Variants in PACSIN2 observed in about 807,000 individuals in gnomAD.
PACSIN2 encodes protein kinase C and casein kinase substrate in neurons protein 2.
In PACSIN2, 25 loss-of-function variants were observed where a neutral mutation model predicts 63.8. The ratio of observed to expected loss-of-function variants is 0.39; its 90% CI spans 0.29 to 0.55. The LOEUF is 0.55. Ranked by LOEUF, PACSIN2 falls within the 20% of genes least tolerant of loss-of-function variation. The pLI, the probability that PACSIN2 is intolerant of heterozygous loss-of-function variation, is 0.62. For synonymous variants in PACSIN2, 255 were observed against 256.2 expected (o/e 1.00, Z 0.05); for missense variants, 518 against 646.9 (o/e 0.80, Z 2.16).
chr22:42,988,542 A>G (rs976205783), intron 1 of PACSIN2, among the ~76,000 whole-genome samples: 4 of 152,272 alleles, frequency 2.6e-5, no homozygotes, highest in Non-Finnish European at 5.9e-5. Context: ...CTTAGGGTCC[A>G]CTGGCCAAAA....
intron 1 of PACSIN2, among the ~76,000 whole-genome samples, chr22:42,996,758 T>C (rs1388479925): frequency 6.6e-6 from 1 of 152,126 alleles, no homozygotes; most frequent in Non-Finnish European, 1.5e-5. Flanking sequence ...GAATTTTTTG[T>C]TGGTATTTCT....
Position 43,010,398 on chromosome 22 carries a change from A to ATATATATATATATATATATTTTT in PACSIN2, c.-78+4622_-78+4623insAAAAATATATATATATATATATA. ...TGTTTAAAAATACATATATATATAT[A>ATATATATATATATATATATTTTT]TTTTTTTTTAATTGAAAATAAAAAA... is the stretch of plus-strand genomic sequence containing the variant. On this transcript the variant is annotated intron_variant, in intron 1 of 10. Transcript: ENST00000263246. Among the ~76,000 whole-genome samples the ATATATATATATATATATATTTTT allele has an allele frequency of 9.1e-3, 1,152 of 126,240 alleles. 16 individuals are homozygous for ATATATATATATATATATATTTTT. The highest frequency in any genetic ancestry group is 0.016 in the Middle Eastern group (4 of 246). 82.8% of individuals were successfully genotyped at this position (126,240 alleles called of 152,430 possible). A position where few individuals can be genotyped will look rare whatever the true frequency, so the allele number is the denominator to read the frequency against.
At chr22:43,000,856 C>T (rs73889017) in intron 1 of PACSIN2, among the ~76,000 whole-genome samples, 83 of 152,352 alleles carry the variant, frequency 5.4e-4, no homozygotes, top group African/African-American at 1.8e-3. Flanking sequence ...GTGATCCAAT[C>T]ACATTGACTT....
At chr22:42,966,229 G>T (rs1920954192) in intron 1 of PACSIN2, among the ~76,000 whole-genome samples, 1 of 152,160 alleles carries the variant, frequency 6.6e-6, no homozygotes, top group Admixed American at 6.5e-5. Flanking sequence ...AATTAGCAGG[G>T]TGTGGTGGTG....
At chr22:42,948,432 T>C (rs187396035) in intron 1 of PACSIN2, among the ~76,000 whole-genome samples, 9 of 152,316 alleles carry the variant, frequency 5.9e-5, no homozygotes, top group African/African-American at 1.9e-4. Flanking sequence ...ACTACCTAAA[T>C]ACCTTCTCAA....
intron 1 of PACSIN2, among the ~76,000 whole-genome samples, chr22:42,974,231 A>C (rs1337953012): frequency 6.6e-6 from 1 of 152,160 alleles, no homozygotes; most frequent in Non-Finnish European, 1.5e-5. Context: ...ACAATGAAAA[A>C]CAAAAGCCAG....
chr22:42,942,769 T>A (rs2146807148), intron 1 of PACSIN2, among the ~76,000 whole-genome samples: 1 of 152,350 alleles, frequency 6.6e-6, no homozygotes, highest in African/African-American at 2.4e-5. Context: ...TTTTTCCATG[T>A]CTATCCTTAT....
At chr22:42,888,584 A>C in intron 5 of PACSIN2, 59 bp downstream of exon 5, 1 of 1,556,760 alleles carries the variant, frequency 6.4e-7, no homozygotes, top group Non-Finnish European at 8.9e-7. Context: ...GCTATATGCC[A>C]GACACGTCAA....
chr22:42,937,211 A>T (rs998399855), intron 1 of PACSIN2, among the ~76,000 whole-genome samples: 2 of 152,114 alleles, frequency 1.3e-5, no homozygotes, highest in African/African-American at 4.8e-5. Context: ...GACTGCTTCT[A>T]AACAGAGTGA....
At chr22:42,881,520 A>G (rs979993028) in intron 7 of PACSIN2, among the ~76,000 whole-genome samples, 6 of 152,184 alleles carry the variant, frequency 3.9e-5, no homozygotes, top group African/African-American at 1.4e-4. Flanking sequence ...AGCTGACGCC[A>G]CGTGCTTAAG....
intron 1 of PACSIN2, among the ~76,000 whole-genome samples, chr22:42,965,292 CA>C (rs143937466): frequency 6.6e-6 from 1 of 152,242 alleles, no homozygotes; most frequent in East Asian, 1.9e-4. Context: ...GGACTGACTT[CA>C]AAGGGACACA....
intron 2 of PACSIN2, among the ~76,000 whole-genome samples, chr22:42,902,690 C>T (rs575562367): frequency 3.9e-5 from 6 of 152,252 alleles, no homozygotes; most frequent in South Asian, 2.1e-4. Flanking sequence ...CTCGGCTCAC[C>T]ACAACCTCTG....
intron 2 of PACSIN2, among the ~76,000 whole-genome samples, chr22:42,908,886 C>T (rs886321497): frequency 6.6e-6 from 1 of 152,158 alleles, no homozygotes; most frequent in African/African-American, 2.4e-5. Flanking sequence ...TACTGAGAGG[C>T]AGAGCTGGGG....
chr22:42,949,576 T>C (rs1933587908), intron 1 of PACSIN2, among the ~76,000 whole-genome samples: 1 of 152,164 alleles, frequency 6.6e-6, no homozygotes, highest in African/African-American at 2.4e-5. Context: ...AAATGCCGAA[T>C]TACAATATAC....
At chr22:42,922,563 G>A (rs1051733466) in intron 1 of PACSIN2, among the ~76,000 whole-genome samples, 5 of 152,200 alleles carry the variant, frequency 3.3e-5, no homozygotes, top group Non-Finnish European at 7.3e-5. Context: ...GGTTCTGGCC[G>A]CTCCACAGGC....
chr22:42,941,550 C>A (rs1005369692), intron 1 of PACSIN2, among the ~76,000 whole-genome samples: 1 of 152,182 alleles, frequency 6.6e-6, no homozygotes, highest in Non-Finnish European at 1.5e-5. Context: ...CATATCCTCA[C>A]CAACACATGT....
intron 2 of PACSIN2, among the ~76,000 whole-genome samples, chr22:42,901,298 C>G (rs1930667460): frequency 1.3e-5 from 2 of 152,176 alleles, no homozygotes; most frequent in African/African-American, 4.8e-5. Context: ...ACCAAATATG[C>G]CAAGAAGCTC....
chr22:42,973,014 A>G (rs1420712116), intron 1 of PACSIN2, among the ~76,000 whole-genome samples: 3 of 152,262 alleles, frequency 2.0e-5, no homozygotes, highest in South Asian at 4.1e-4. Context: ...CAGATTTATC[A>G]TGACTTTTAT....
chr22:42,877,470 C>T (rs1159669400), intron 8 of PACSIN2, among the ~76,000 whole-genome samples: 3 of 152,180 alleles, frequency 2.0e-5, no homozygotes, highest in African/African-American at 7.2e-5. Context: ...CTCTTCAGCC[C>T]ACACGGCCTC....
Sources: allele counts gnomAD v4.1 joint callset (sites outside exome capture counted in the v4.1 genomes callset), GRCh38; gene constraint gnomAD v4.1.1; transcripts MANE v1.5; gene names NCBI Gene and HGNC (gene_info 2026-07-23, HGNC 2026-07-21).